IFT25: variants seen among roughly 807,000 people sequenced by gnomAD.
IFT25 encodes the protein intraflagellar transport 25.
At chr1:53,938,592 T>C in the IFT25 span, among the ~76,000 whole-genome samples, 1 of 152,198 alleles carries the variant, frequency 6.6e-6, no homozygotes, top group Non-Finnish European at 1.5e-5. Flanking sequence ...AGTTCTGCCT[T>C]CAATGATTAA....
the IFT25 span, among the ~76,000 whole-genome samples, chr1:53,937,991 C>G: frequency 6.6e-6 from 1 of 152,278 alleles, no homozygotes; most frequent in South Asian, 2.1e-4. Flanking sequence ...TAGTGTAGCA[C>G]AAAGATCCCT....
At chr1:53,945,803 T>A in the IFT25 span, 1 of 101,822 alleles carries the variant, frequency 9.8e-6, no homozygotes, top group Admixed American at 1.2e-4. Flanking sequence ...TACCCCGAGC[T>A]CTTTGCGCCA....
At chr1:53,916,746 T>C in the IFT25 span, 12 of 377,182 alleles carry the variant, frequency 3.2e-5, no homozygotes, top group Non-Finnish European at 5.6e-5. Flanking sequence ...TATTCATCTT[T>C]CCCCAAATTC....
At chr1:53,926,219 C>T in the IFT25 span, among the ~76,000 whole-genome samples, 3 of 152,286 alleles carry the variant, frequency 2.0e-5, no homozygotes, top group African/African-American at 7.2e-5. Flanking sequence ...AATCTCAGCT[C>T]ATGGCAACCT....
chr1:53,943,954 T>C, the IFT25 span, among the ~76,000 whole-genome samples: 1 of 152,152 alleles, frequency 6.6e-6, no homozygotes, highest in Non-Finnish European at 1.5e-5. Flanking sequence ...AGTTACACTT[T>C]AGGGTTGATA....
At chr1:53,920,629 T>C in the IFT25 span, among the ~76,000 whole-genome samples, 2 of 152,206 alleles carry the variant, frequency 1.3e-5, no homozygotes, top group East Asian at 1.9e-4. Flanking sequence ...TGGATGTCAC[T>C]GCTTCTAGAT....
the IFT25 span, among the ~76,000 whole-genome samples, chr1:53,933,375 C>T: frequency 2.6e-5 from 4 of 152,210 alleles, no homozygotes; most frequent in East Asian, 7.7e-4. Flanking sequence ...ACCTCGTGAT[C>T]CGCCCGCCTC....
chr1:53,944,143 A>C, the IFT25 span, among the ~76,000 whole-genome samples: 1 of 152,238 alleles, frequency 6.6e-6, no homozygotes, highest in Non-Finnish European at 1.5e-5. Flanking sequence ...TTAAGTAGAA[A>C]CGGCAGAGAC....
At chr1:53,938,313 T>C in the IFT25 span, among the ~76,000 whole-genome samples, 483 of 152,310 alleles carry the variant, frequency 3.2e-3, 5 homozygotes, top group African/African-American at 0.011. Context: ...GTTTGACTCA[T>C]AGAAATAGTC....
chr1:53,935,013 CGAAA>C, the IFT25 span, among the ~76,000 whole-genome samples: 1 of 152,038 alleles, frequency 6.6e-6, no homozygotes, highest in Non-Finnish European at 1.5e-5. Flanking sequence ...AAACAAAAAA[CGAAA>C]GAAAGAAACC....
At chr1:53,937,503 G>T in the IFT25 span, among the ~76,000 whole-genome samples, 40 of 152,152 alleles carry the variant, frequency 2.6e-4, no homozygotes, top group African/African-American at 9.7e-4. Context: ...GATGTATTCT[G>T]TTCAGTTATC....
the IFT25 span, among the ~76,000 whole-genome samples, chr1:53,945,226 G>C: frequency 3.9e-5 from 6 of 152,262 alleles, no homozygotes; most frequent in South Asian, 1.0e-3. Flanking sequence ...TTTATAGCTA[G>C]ATGTGTTACG....
At chr1:53,926,171 G>A in the IFT25 span, among the ~76,000 whole-genome samples, 667 of 152,082 alleles carry the variant, frequency 4.4e-3, 5 homozygotes, top group African/African-American at 0.015. Flanking sequence ...TTTGAGACAG[G>A]GTCTCACTCT....
At chr1:53,914,857 C>T in the IFT25 span, among the ~76,000 whole-genome samples, 1 of 151,988 alleles carries the variant, frequency 6.6e-6, no homozygotes, top group Non-Finnish European at 1.5e-5. Context: ...ATGCAATATG[C>T]TATAAAAAAA....
At chr1:53,923,422 A>G in the IFT25 span, 4 of 154,056 alleles carry the variant, frequency 2.6e-5, no homozygotes, top group African/African-American at 9.6e-5. Context: ...TGACAAGCAA[A>G]GCCCAATGGA....
chr1:53,944,071 C>T, the IFT25 span, among the ~76,000 whole-genome samples: 43 of 152,200 alleles, frequency 2.8e-4, no homozygotes, highest in African/African-American at 9.9e-4. Flanking sequence ...TAATACAAAA[C>T]TCATTTCACA....
At chr1:53,920,873 A>G in the IFT25 span, among the ~76,000 whole-genome samples, 1 of 151,868 alleles carries the variant, frequency 6.6e-6, no homozygotes, top group South Asian at 2.1e-4. Flanking sequence ...TTTTCAAGCC[A>G]GAACAAATAA....
At chr1:53,923,835 T>C in the IFT25 span, 1 of 901,156 alleles carries the variant, frequency 1.1e-6, no homozygotes. Flanking sequence ...ACTATGACTA[T>C]GGAGATAGGT....
the IFT25 span, chr1:53,923,569 G>T: frequency 4.5e-6 from 1 of 222,112 alleles, no homozygotes; most frequent in Non-Finnish European, 8.8e-6. Context: ...TTTTGGCATC[G>T]CGACCCTTTT....
Sources: gnomAD v4.1 joint callset for allele counts (sites outside exome capture counted in the v4.1 genomes callset) on GRCh38, gnomAD v4.1.1 for gene constraint, MANE v1.5 for transcripts, NCBI Gene and HGNC (gene_info 2026-07-23, HGNC 2026-07-21) for gene names.